The following BABAM2 variants were observed in gnomAD, a reference collection of about 807,000 sequenced individuals.
The protein encoded by BABAM2 is BRISC and BRCA1-A complex member 2.
In BABAM2, 31 loss-of-function variants were observed where a neutral mutation model predicts 54.7. The ratio of observed to expected loss-of-function variants is 0.57; its 90% confidence interval spans 0.43 to 0.77. BABAM2 has a LOEUF of 0.77. Ranked by LOEUF, BABAM2 falls within the 30% of genes least tolerant of loss-of-function variation. The pLI is 0.00. For synonymous variants in BABAM2, 167 were observed against 162.9 expected (o/e 1.03, Z -0.19); for missense variants, 364 against 455.8 (o/e 0.80, Z 1.83).
chr2:28,127,015 G>A (rs1409699473), intron 6 of BABAM2, among the ~76,000 whole-genome samples: 1 of 151,834 alleles, frequency 6.6e-6, no homozygotes, highest in Non-Finnish European at 1.5e-5. Context: ...ATTTGTTTGA[G>A]TTCATTGTAG....
Position 28,194,575 on chromosome 2 carries a change from C to CTTTTTTTTTT in BABAM2, c.681-42615_681-42606dup, listed in dbSNP as rs10684650. ...ATTTGTTGTATGATTACAACGTAGA[C>CTTTTTTTTTT]TTTTTTTTTTTTTTTTTTTTTGAGA... On this transcript the variant is annotated intron_variant, in intron 7 of 11. Transcript: ENST00000379624. 4.0e-5 allele frequency among the ~76,000 whole-genome samples: 4 copies of CTTTTTTTTTT among 99,190 alleles called. 2 individuals carry two copies. The highest frequency in any genetic ancestry group is 7.5e-5 in the Non-Finnish European group (4 of 53,672). The allele number at this position is 99,190 out of a possible 152,430, so 65.1% of individuals were successfully genotyped here.
chr2:28,084,156 T>C (rs1198894043), intron 6 of BABAM2, among the ~76,000 whole-genome samples: 2 of 152,146 alleles, frequency 1.3e-5, no homozygotes, highest in Non-Finnish European at 2.9e-5. Flanking sequence ...GCGGCAACCA[T>C]ACAGGATTTT....
chr2:27,967,734 G>A (rs1407743461), intron 3 of BABAM2, among the ~76,000 whole-genome samples: 1 of 152,176 alleles, frequency 6.6e-6, no homozygotes, highest in Non-Finnish European at 1.5e-5. Context: ...TAAAAGCCAA[G>A]CTGAGGTGGT....
intron 6 of BABAM2, among the ~76,000 whole-genome samples, chr2:28,103,301 TTTTTGTTTTG>T (rs76344388): frequency 4.7e-5 from 7 of 149,626 alleles, no homozygotes; most frequent in Non-Finnish European, 7.4e-5. Context: ...TTACTTAGTA[TTTTTGTTTTG>T]TTTTGTTTTG....
chr2:28,001,729 A>C (rs529228336), intron 4 of BABAM2, among the ~76,000 whole-genome samples: 1 of 152,122 alleles, frequency 6.6e-6, no homozygotes, highest in African/African-American at 2.4e-5. Context: ...GGCGTATCAC[A>C]TGGTGAGAGC....
At chr2:28,092,057 T>C in intron 6 of BABAM2, among the ~76,000 whole-genome samples, 1 of 152,080 alleles carries the variant, frequency 6.6e-6, no homozygotes, top group African/African-American at 2.4e-5. Flanking sequence ...TTATACCTCG[T>C]GAATGAGCAC....
At chr2:28,251,585 AAC>A (rs1683490558) in intron 10 of BABAM2, among the ~76,000 whole-genome samples, 3 of 152,226 alleles carry the variant, frequency 2.0e-5, no homozygotes, top group Admixed American at 1.3e-4. Context: ...CCGCTATAGA[AAC>A]AGTGTTTCGT....
At chr2:28,273,910 A>G (rs1022491488) in intron 10 of BABAM2, among the ~76,000 whole-genome samples, 1 of 152,238 alleles carries the variant, frequency 6.6e-6, no homozygotes. Flanking sequence ...TGCCTAGCTC[A>G]TGGAGGTTTG....
intron 3 of BABAM2, among the ~76,000 whole-genome samples, chr2:27,952,253 CTT>C (rs1669786574): frequency 6.6e-6 from 1 of 152,180 alleles, no homozygotes; most frequent in Non-Finnish European, 1.5e-5. Flanking sequence ...ATCTGACAGT[CTT>C]TGCCTGTCAA....
At chr2:28,184,310 C>G (rs1017062404) in intron 7 of BABAM2, among the ~76,000 whole-genome samples, 1 of 141,070 alleles carries the variant, frequency 7.1e-6, no homozygotes, top group Non-Finnish European at 1.5e-5. Flanking sequence ...CTCCCTCTCT[C>G]TCTCTGTCTC....
intron 11 of BABAM2, among the ~76,000 whole-genome samples, chr2:28,334,829 A>T (rs1220897708): frequency 6.6e-6 from 1 of 152,104 alleles, no homozygotes; most frequent in African/African-American, 2.4e-5. Context: ...TCGTAAGGGA[A>T]CAGAGCCCAG....
intron 10 of BABAM2, among the ~76,000 whole-genome samples, chr2:28,272,182 A>G (rs753831297): frequency 2.0e-5 from 3 of 152,254 alleles, no homozygotes; most frequent in Non-Finnish European, 2.9e-5. Flanking sequence ...AAAAGCAACA[A>G]TGAAGGTCTG....
intron 7 of BABAM2, among the ~76,000 whole-genome samples, chr2:28,225,852 C>G (rs1349213879): frequency 1.3e-5 from 2 of 151,806 alleles, no homozygotes; most frequent in Admixed American, 1.3e-4. Flanking sequence ...CAAAGGGCCT[C>G]TTTTCATTTT....
intron 6 of BABAM2, among the ~76,000 whole-genome samples, chr2:28,101,672 C>A (rs1315082295): frequency 6.6e-6 from 1 of 152,096 alleles, no homozygotes; most frequent in African/African-American, 2.4e-5. Context: ...TTATCTCACC[C>A]TCTTAGAATT....
At chr2:28,163,786 C>T (rs983295501) in intron 7 of BABAM2, among the ~76,000 whole-genome samples, 3 of 152,194 alleles carry the variant, frequency 2.0e-5, no homozygotes, top group Non-Finnish European at 4.4e-5. Context: ...GAATTGGACT[C>T]ACGTGGCCCA....
At chr2:28,262,932 G>A (rs1448904320) in intron 10 of BABAM2, among the ~76,000 whole-genome samples, 2 of 152,092 alleles carry the variant, frequency 1.3e-5, no homozygotes, top group Non-Finnish European at 2.9e-5. Flanking sequence ...TCCTCCCAAA[G>A]AGGTGATCCA....
chr2:28,040,196 A>G (rs958444699), intron 5 of BABAM2, among the ~76,000 whole-genome samples: 18 of 151,976 alleles, frequency 1.2e-4, no homozygotes, highest in African/African-American at 3.9e-4. Flanking sequence ...TTAATTTTAC[A>G]TTAAGATTGT....
rs1221328543 is a variant in BABAM2, at chr2:28,026,822, T to TTA, written c.495+1411_495+1412dup. 1.9e-3 allele frequency among the ~76,000 whole-genome samples: 150 copies of TTA among 77,176 alleles called. 3 individuals carry two copies. Among genetic ancestry groups the TTA allele is most frequent in the South Asian group, 9.7e-3 (30 of 3,108 alleles). 50.6% of individuals were successfully genotyped at this position (77,176 alleles called of 152,430 possible). ...ATATAAAAAATATATAAATATATATTTATATATATAAATATATATAAATAT... is the reference window on the plus strand; with the variant it reads ...ATATAAAAAATATATAAATATATATTTATATATATATAAATATATATAAATAT... On this transcript the variant is annotated intron_variant, in intron 5 of 11. Coordinates refer to ENST00000379624, the MANE Select transcript of BABAM2 (RefSeq NM_199191.3).
intron 6 of BABAM2, among the ~76,000 whole-genome samples, chr2:28,080,527 T>C (rs1027997894): frequency 1.3e-5 from 2 of 152,168 alleles, no homozygotes; most frequent in African/African-American, 4.8e-5. Context: ...TGGTAGGTAC[T>C]CCTTGAGATG....
Sources: gnomAD v4.1 joint callset for allele counts (sites outside exome capture counted in the v4.1 genomes callset) on GRCh38, gnomAD v4.1.1 for gene constraint, MANE v1.5 for transcripts, NCBI Gene and HGNC (gene_info 2026-07-23, HGNC 2026-07-21) for gene names.